Variants in MAMDC2 observed in about 807,000 individuals in gnomAD.
The protein encoded by MAMDC2 is MAM domain containing 2, also known as MAM domain-containing protein 2.
In MAMDC2, 57 loss-of-function variants were observed where a neutral mutation model predicts 89.8. The ratio of observed to expected loss-of-function variants is 0.63; its 90% CI spans 0.51 to 0.79. The LOEUF (loss-of-function observed/expected upper bound fraction) is 0.79. MAMDC2 is among the 30% of genes least tolerant of loss of function. The pLI is 0.00. For synonymous variants in MAMDC2, 313 were observed against 293.4 expected (o/e 1.07, Z -0.68); for missense variants, 800 against 820.6 (o/e 0.97, Z 0.31).
chr9:70,150,089 C>T (rs1185385269), intron 9 of MAMDC2, among the ~76,000 whole-genome samples: 3 of 152,278 alleles, frequency 2.0e-5, no homozygotes, highest in East Asian at 3.9e-4. Flanking sequence ...CAGTAGTCCT[C>T]ATGTGTACCC....
chr9:70,178,388 A>G (rs2032560814), intron 11 of MAMDC2, among the ~76,000 whole-genome samples: 1 of 152,180 alleles, frequency 6.6e-6, no homozygotes, highest in Non-Finnish European at 1.5e-5. Context: ...CTCCCATGAT[A>G]ATGGCATTAA....
At position 70,050,886 on chromosome 9, in the gene MAMDC2, A is replaced by G. The variant is rs1294274070; in HGVS notation, c.148+6189A>G. ...CTGAACAAGGTGTGGATATAAAGTA[A>G]TAACACTGAGTTTCATACTTAGTGT... On this transcript the variant is annotated intron_variant, in intron 2 of 13. Coordinates refer to ENST00000377182, the MANE Select transcript of MAMDC2 (RefSeq NM_153267.5). Among the ~76,000 whole-genome samples, 4 of 152,230 alleles carry G rather than the reference A, an allele frequency of 2.6e-5. No homozygotes were observed. The East Asian group carries it at 5.8e-4, about 22-fold the overall frequency.
Position 70,143,816 on chromosome 9 carries a change from C to G in MAMDC2, c.1401C>G (p.Thr467=). 6.2e-7 allele frequency: 1 copy of G among 1,613,342 alleles called. No individual in the cohort carries two copies. Among genetic ancestry groups the G allele is most frequent in the South Asian group, 1.1e-5 (1 of 91,056 alleles). ...TCACCTTTAAGAAGCCCATGCCTAC[C>G]AAGGTACAGCAGAGCCAATTTCTCC... is the stretch of plus-strand genomic sequence containing the variant. ...AEITFKKPMP[T]KVVFMSLCKS... Residue 467 remains threonine (T), a synonymous_variant, in exon 9 of 14, where the codon ACC becomes ACG. Coordinates refer to ENST00000377182, the MANE Select transcript of MAMDC2 (RefSeq NM_153267.5).
intron 5 of MAMDC2, among the ~76,000 whole-genome samples, chr9:70,118,533 G>A (rs745614143): frequency 6.6e-6 from 1 of 152,144 alleles, no homozygotes; most frequent in South Asian, 2.1e-4. Context: ...AAGGAAAGAG[G>A]TTCCCTCTCT....
chr9:70,132,720 C>T (rs1022812522), intron 7 of MAMDC2, among the ~76,000 whole-genome samples: 2 of 151,924 alleles, frequency 1.3e-5, no homozygotes, highest in African/African-American at 4.8e-5. Context: ...GATGAGGTCT[C>T]ACTATGTTGT....
At chr9:70,197,721 A>T (rs1412048557) in intron 11 of MAMDC2, among the ~76,000 whole-genome samples, 1 of 151,382 alleles carries the variant, frequency 6.6e-6, no homozygotes, top group Non-Finnish European at 1.5e-5. Context: ...TTTTTGGCAA[A>T]AACAAAACAA....
At chr9:70,180,019 C>A (rs1457011716) in intron 11 of MAMDC2, among the ~76,000 whole-genome samples, 3 of 151,630 alleles carry the variant, frequency 2.0e-5, no homozygotes, top group Non-Finnish European at 2.9e-5. Context: ...ATTTGTCCCC[C>A]CACCCCCCAA....
At chr9:70,066,445 G>T (rs554778503) in intron 2 of MAMDC2, among the ~76,000 whole-genome samples, 3 of 152,264 alleles carry the variant, frequency 2.0e-5, no homozygotes, top group African/African-American at 7.2e-5. Flanking sequence ...GAAGAGGAAG[G>T]TCACGTCTCT....
intron 3 of MAMDC2, 96 bp downstream of exon 3, chr9:70,108,578 C>A: frequency 9.2e-7 from 1 of 1,081,100 alleles, no homozygotes; most frequent in African/African-American, 1.6e-5. Flanking sequence ...GGTTAGTTAT[C>A]TCCTGGATTA....
chr9:70,206,806 T>C (rs1188742311), intron 11 of MAMDC2, among the ~76,000 whole-genome samples: 1 of 152,054 alleles, frequency 6.6e-6, no homozygotes, highest in East Asian at 1.9e-4. Flanking sequence ...CAGGCCCCGG[T>C]GTGTGATGTT....
intron 2 of MAMDC2, among the ~76,000 whole-genome samples, chr9:70,045,392 T>G (rs2117950646): frequency 6.6e-6 from 1 of 152,242 alleles, no homozygotes; most frequent in Non-Finnish European, 1.5e-5. Context: ...GTTTTTTTTG[T>G]TTTTTGTTTT....
chr9:70,171,324 C>G (rs1281259530), intron 11 of MAMDC2, among the ~76,000 whole-genome samples: 3 of 128,924 alleles, frequency 2.3e-5, no homozygotes, highest in Non-Finnish European at 3.3e-5. Context: ...CATAGTGAGA[C>G]TCTATCTTGA....
At chr9:70,074,759 A>G (rs1043195885) in intron 2 of MAMDC2, among the ~76,000 whole-genome samples, 7 of 152,234 alleles carry the variant, frequency 4.6e-5, no homozygotes, top group Non-Finnish European at 8.8e-5. Context: ...TCATCATGAC[A>G]GGTCAAGAGA....
chr9:70,163,428 A>G (rs2032054702), intron 9 of MAMDC2, among the ~76,000 whole-genome samples: 1 of 151,432 alleles, frequency 6.6e-6, no homozygotes, highest in African/African-American at 2.4e-5. Flanking sequence ...AGGTTTCGCA[A>G]TGTTGGCCAG....
intron 9 of MAMDC2, among the ~76,000 whole-genome samples, chr9:70,165,884 A>G (rs1272138473): frequency 6.6e-6 from 1 of 152,238 alleles, no homozygotes; most frequent in Non-Finnish European, 1.5e-5. Context: ...CTAGGAAATA[A>G]TAATGACTGA....
chr9:70,186,003 T>A (rs1319772945), intron 11 of MAMDC2, among the ~76,000 whole-genome samples: 5 of 152,256 alleles, frequency 3.3e-5, no homozygotes, highest in Non-Finnish European at 5.9e-5. Context: ...TTTGGCCATC[T>A]TGCCAGATTT....
rs146892176 is a variant in MAMDC2, at chr9:70,206,293, G to C, written c.1652-12044G>C. ...ATTGTTATAATTGTTCTATTTTATT[G>C]TGAGTTATTGTTGTTAATCTCTTAC... On this transcript the variant is annotated intron_variant, in intron 11 of 13. Transcript: ENST00000377182. Among the ~76,000 whole-genome samples the C allele has an allele frequency of 2.4e-3, 369 of 152,224 alleles. 1 individual carries two copies. The highest frequency in any genetic ancestry group is 8.4e-3 in the African/African-American group (348 of 41,536).
intron 11 of MAMDC2, among the ~76,000 whole-genome samples, chr9:70,187,090 G>A (rs2032772549): frequency 6.6e-6 from 1 of 151,974 alleles, no homozygotes. Context: ...TTCTGCTTGG[G>A]TTTCATTAAA....
intron 2 of MAMDC2, among the ~76,000 whole-genome samples, chr9:70,097,677 A>G (rs1001500351): frequency 2.0e-5 from 3 of 152,176 alleles, no homozygotes; most frequent in African/African-American, 7.2e-5. Flanking sequence ...TCAATTACAG[A>G]TAATTTTGCC....
Sources: allele counts gnomAD v4.1 joint callset (sites outside exome capture counted in the v4.1 genomes callset), GRCh38; gene constraint gnomAD v4.1.1; transcripts MANE v1.5; gene names NCBI Gene and HGNC (gene_info 2026-07-23, HGNC 2026-07-21).